Variants in NAA35 observed in about 807,000 individuals in gnomAD.
NAA35 encodes the protein MAK10 homolog, amino-acid N-acetyltransferase subunit.
In NAA35, 18 loss-of-function variants were observed where a neutral mutation model predicts 101.7. The observed-to-expected ratio is 0.18, with a 90% CI of 0.12 to 0.26. The LOEUF is 0.26. NAA35 is among the 10% of genes least tolerant of loss of function. The pLI is 1.00. For synonymous variants in NAA35, 267 were observed against 273.1 expected (o/e 0.98, Z 0.22); for missense variants, 601 against 886.8 (o/e 0.68, Z 4.09).
At chr9:85,948,827 G>A (rs1013197509) in intron 2 of NAA35, among the ~76,000 whole-genome samples, 17 of 151,952 alleles carry the variant, frequency 1.1e-4, no homozygotes, top group South Asian at 4.2e-4. Context: ...GCATGATCTC[G>A]GTTCACTGCA....
chr9:85,989,796 C>T (rs1192943463), intron 11 of NAA35, among the ~76,000 whole-genome samples: 1 of 152,144 alleles, frequency 6.6e-6, no homozygotes, highest in Non-Finnish European at 1.5e-5. Context: ...TGTCAAGAAT[C>T]TTGACAATAT....
chr9:86,014,233 T>C (rs1419422338), intron 17 of NAA35: 1 of 282,168 alleles, frequency 3.5e-6, no homozygotes, highest in African/African-American at 2.3e-5. Context: ...ACTTGACAGT[T>C]AAACATCAAA....
intron 6 of NAA35, among the ~76,000 whole-genome samples, chr9:85,967,868 C>T (rs1829832091): frequency 6.6e-6 from 1 of 152,010 alleles, no homozygotes; most frequent in Non-Finnish European, 1.5e-5. Flanking sequence ...TTCCTAGCTG[C>T]TGGTGTATTT....
At chr9:86,010,663 C>T (rs1365757052) in intron 15 of NAA35, among the ~76,000 whole-genome samples, 4 of 150,066 alleles carry the variant, frequency 2.7e-5, no homozygotes, top group Non-Finnish European at 4.4e-5. Flanking sequence ...CAAGCTCCGC[C>T]TCCCGGGTTC....
intron 12 of NAA35, among the ~76,000 whole-genome samples, chr9:86,001,838 T>C (rs574866847): frequency 6.6e-6 from 1 of 152,172 alleles, no homozygotes; most frequent in Admixed American, 6.5e-5. Context: ...TCACTCTGTT[T>C]CTTAAGTGGG....
chr9:85,969,356 A>G (rs1000600501), intron 6 of NAA35, among the ~76,000 whole-genome samples: 15 of 150,902 alleles, frequency 9.9e-5, no homozygotes, highest in African/African-American at 2.2e-4. Context: ...TAGTCTTCCT[A>G]CCTGCCAAAA....
intron 11 of NAA35, among the ~76,000 whole-genome samples, chr9:85,994,151 G>A (rs566728574): frequency 1.3e-5 from 2 of 152,212 alleles, no homozygotes; most frequent in East Asian, 1.9e-4. Context: ...ATACTATTTT[G>A]TAACATTTTG....
chr9:86,017,232 A>C (rs1832272568), intron 18 of NAA35, among the ~76,000 whole-genome samples: 2 of 152,232 alleles, frequency 1.3e-5, no homozygotes, highest in Admixed American at 1.3e-4. Context: ...TGGGTTTCCT[A>C]TATAAGAGGT....
At position 85,959,780 on chromosome 9, in the gene NAA35, T is replaced by C; in HGVS notation, c.274-13T>C. 1.9e-6 allele frequency: 3 copies of C among 1,597,482 alleles called. No homozygotes were observed. The highest frequency in any genetic ancestry group is 2.6e-6 in the Non-Finnish European group (3 of 1,170,776). On this transcript the variant is annotated splice_polypyrimidine_tract_variant and intron_variant, in intron 4 of 22. Coordinates refer to ENST00000361671, the MANE Select transcript of NAA35 (RefSeq NM_024635.4). ...AATTTCTGCTTATATGTCACATTCT[T>C]CCTCCTTTTTAGGATGGCACTATTA... is the stretch of plus-strand genomic sequence containing the variant.
intron 6 of NAA35, among the ~76,000 whole-genome samples, chr9:85,964,512 C>G (rs1172521710): frequency 6.6e-6 from 1 of 152,102 alleles, no homozygotes; most frequent in Non-Finnish European, 1.5e-5. Flanking sequence ...GTGTTTTTTC[C>G]CTACAATACA....
intron 11 of NAA35, among the ~76,000 whole-genome samples, chr9:85,991,457 TG>T (rs890608612): frequency 2.0e-5 from 3 of 151,846 alleles, no homozygotes; most frequent in African/African-American, 7.3e-5. Context: ...AGATCATAAG[TG>T]GGGGGAAGAG....
intron 17 of NAA35, chr9:86,015,871 C>T (rs9410906): frequency 0.024 from 16,966 of 694,264 alleles, 241 homozygotes; most frequent in Non-Finnish European, 0.027. Flanking sequence ...TGGACTCTCA[C>T]ATTTTGTAGG....
At chr9:85,977,243 G>T in intron 9 of NAA35, 120 bp from the exon 10 acceptor site, 1 of 717,226 alleles carries the variant, frequency 1.4e-6, no homozygotes, top group South Asian at 1.6e-5. Flanking sequence ...GCCTGTAAGT[G>T]AAGGTGCCTG....
chr9:85,979,830 C>T (rs1008142179), intron 11 of NAA35, among the ~76,000 whole-genome samples: 1 of 152,144 alleles, frequency 6.6e-6, no homozygotes, highest in East Asian at 1.9e-4. Context: ...AATTAAACTC[C>T]CATTGAAGGA....
At chr9:86,017,452 A>G (rs1348604632) in intron 18 of NAA35, 46 bp from the exon 19 acceptor site, 2 of 1,556,328 alleles carry the variant, frequency 1.3e-6, no homozygotes, top group Non-Finnish European at 8.8e-7. Flanking sequence ...TGCAAGAGGG[A>G]GGAGGAAAAG....
intron 15 of NAA35, among the ~76,000 whole-genome samples, chr9:86,011,730 G>T (rs1374165240): frequency 6.8e-6 from 1 of 147,982 alleles, no homozygotes; most frequent in Non-Finnish European, 1.5e-5. Flanking sequence ...TCTACTTCCA[G>T]TTACTAAATA....
rs1831703688 is a variant in NAA35, at chr9:86,007,553, C to T, written c.1223+89C>T. 1.0e-5 allele frequency: 9 copies of T among 872,636 alleles called. No individual in the cohort carries two copies. In the South Asian group the frequency reaches 1.5e-4, roughly 14 times the overall value. 54.1% of individuals were successfully genotyped at this position (872,636 alleles called of 1,614,324 possible). On this transcript the variant is annotated intron_variant, in intron 14 of 22. Transcript: ENST00000361671. Reference sequence around the variant, plus strand: ...TACTCCTTCTTTATAGCCAAAGTATCAAAATTGGGACCAAATCTCCATGTA... The same window carrying T: ...TACTCCTTCTTTATAGCCAAAGTATTAAAATTGGGACCAAATCTCCATGTA...
chr9:85,992,263 G>T (rs1229162613), intron 11 of NAA35, among the ~76,000 whole-genome samples: 1 of 151,852 alleles, frequency 6.6e-6, no homozygotes, highest in East Asian at 1.9e-4. Flanking sequence ...GATCTCACGT[G>T]GTCAAAATTA....
Position 85,960,592 on chromosome 9 carries a change from C to T in NAA35, c.348+725C>T, listed in dbSNP as rs184618597. Among the ~76,000 whole-genome samples, 2 of 152,256 alleles carry T rather than the reference C, an allele frequency of 1.3e-5. 1 individual carries two copies. Among genetic ancestry groups the T allele is most frequent in the African/African-American group, 4.8e-5 (2 of 41,556 alleles). On this transcript the variant is annotated intron_variant, in intron 5 of 22. Transcript: ENST00000361671. ...TGTGATTACATTGCTTGGGAGGGGC[C>T]TAGCCAGAATCTTAATCCTGATCCT...
Sources: allele counts gnomAD v4.1 joint callset (sites outside exome capture counted in the v4.1 genomes callset), GRCh38; gene constraint gnomAD v4.1.1; transcripts MANE v1.5; gene names NCBI Gene and HGNC (gene_info 2026-07-23, HGNC 2026-07-21).